NAT1: variants seen among roughly 807,000 people sequenced by gnomAD.
The protein encoded by NAT1 is arylamine N-acetyltransferase 1.
For missense variants in NAT1, 400 were observed against 339.2 expected (o/e 1.18, Z -1.41); for synonymous variants, 144 against 122.6 (o/e 1.17, Z -1.16).
chr8:18,194,427 G>T (rs117580445), intron 2 of NAT1, among the ~76,000 whole-genome samples: 1 of 152,154 alleles, frequency 6.6e-6, no homozygotes, highest in African/African-American at 2.4e-5. Context: ...GGACCAAGTC[G>T]TATCTGTTGA....
rs576536356 is a variant in NAT1 at position 18,198,171 on chromosome 8, A to T, written n.93-11610A>T. Among the ~76,000 whole-genome samples, 297 of 152,328 alleles carry T rather than the reference A, an allele frequency of 1.9e-3. 1 individual carries two copies. The highest frequency in any genetic ancestry group is 3.5e-3 in the Admixed American group (53 of 15,302). ...AGAGACTTTCCAATCTAGGCAAAAA[A>T]AAATCTGCTTTTCTTCCTCCAGAAT... On this transcript the variant is annotated intron_variant and non_coding_transcript_variant, in intron 2 of 4. Coordinates refer to the NAT1 transcript ENST00000517441.
At chr8:18,220,464 A>G (rs1267237988) in intron 2 of NAT1, among the ~76,000 whole-genome samples, 2 of 152,228 alleles carry the variant, frequency 1.3e-5, no homozygotes, top group South Asian at 2.1e-4. Flanking sequence ...TGAGGTCTGT[A>G]CAGCACTGTT....
chr8:18,194,888 C>T (rs1241119568), intron 2 of NAT1, among the ~76,000 whole-genome samples: 4 of 151,566 alleles, frequency 2.6e-5, no homozygotes, highest in Middle Eastern at 3.2e-3. Flanking sequence ...TTGGATTCAT[C>T]GTCTTCTCTC....
chr8:18,186,782 T>C (rs1484786587), intron 2 of NAT1, among the ~76,000 whole-genome samples: 1 of 152,136 alleles, frequency 6.6e-6, no homozygotes, highest in Non-Finnish European at 1.5e-5. Context: ...AATTAATTGC[T>C]AAAAATTGAC....
intron 2 of NAT1, among the ~76,000 whole-genome samples, chr8:18,197,484 T>C (rs1329225112): frequency 6.6e-6 from 1 of 152,158 alleles, no homozygotes; most frequent in Non-Finnish European, 1.5e-5. Context: ...GGTAGTGCTA[T>C]TGGCATCTAG....
At chr8:18,181,708 C>A (rs574913561) in intron 2 of NAT1, among the ~76,000 whole-genome samples, 1 of 152,106 alleles carries the variant, frequency 6.6e-6, no homozygotes, top group Non-Finnish European at 1.5e-5. Flanking sequence ...ATGTTAGCTG[C>A]GGGTTGTCAT....
chr8:18,176,222 A>G (rs1802289469), intron 2 of NAT1, among the ~76,000 whole-genome samples: 1 of 151,886 alleles, frequency 6.6e-6, no homozygotes, highest in South Asian at 2.1e-4. Context: ...TGTGATCCCA[A>G]TTTGTCCACT....
intron 2 of NAT1, among the ~76,000 whole-genome samples, chr8:18,179,269 A>C (rs934859072): frequency 3.9e-5 from 6 of 152,194 alleles, no homozygotes; most frequent in African/African-American, 1.4e-4. Context: ...TGGTAATACT[A>C]CATAATCATT....
At chr8:18,178,291 G>C (rs1802371847) in intron 2 of NAT1, among the ~76,000 whole-genome samples, 2 of 152,002 alleles carry the variant, frequency 1.3e-5, no homozygotes, top group African/African-American at 4.8e-5. Flanking sequence ...TTCTTAGACA[G>C]CATTCCTTCT....
At chr8:18,221,897 A>T (rs927870525) in intron 2 of NAT1, 145 bp from the exon 3 acceptor site, 8 of 846,646 alleles carry the variant, frequency 9.4e-6, no homozygotes, top group Non-Finnish European at 1.4e-5. Context: ...GTGTAAAAGG[A>T]ATTCATACAA....
intron 2 of NAT1, among the ~76,000 whole-genome samples, chr8:18,174,994 GC>G (rs1475011846): frequency 5.3e-5 from 8 of 151,902 alleles, no homozygotes; most frequent in African/African-American, 1.9e-4. Flanking sequence ...TTATATTCCT[GC>G]TGCCTGGTTT....
intron 1 of NAT1, chr8:18,170,661 T>G (rs1056683940): frequency 6.6e-6 from 1 of 152,180 alleles, no homozygotes; most frequent in East Asian, 1.9e-4. Context: ...TAATTTAACT[T>G]GGACTTTTCT....
At chr8:18,220,223 T>A (rs987030889) in intron 2 of NAT1, among the ~76,000 whole-genome samples, 1 of 152,030 alleles carries the variant, frequency 6.6e-6, no homozygotes, top group Non-Finnish European at 1.5e-5. Context: ...TGAGAAGAAA[T>A]GCAATCTAAT....
chr8:18,219,161 C>T (rs973126902), intron 1 of NAT1, among the ~76,000 whole-genome samples: 1 of 151,984 alleles, frequency 6.6e-6, no homozygotes. Flanking sequence ...GTGGAAGCCC[C>T]GCTGCTGGTG....
chr8:18,187,017 G>A (rs1429738134), intron 2 of NAT1, among the ~76,000 whole-genome samples: 2 of 152,020 alleles, frequency 1.3e-5, no homozygotes, highest in African/African-American at 4.8e-5. Context: ...GGTGACTCTT[G>A]ATTTCATTTG....
chr8:18,193,775 G>A (rs1803119504), intron 2 of NAT1, among the ~76,000 whole-genome samples: 2 of 150,668 alleles, frequency 1.3e-5, no homozygotes, highest in South Asian at 2.1e-4. Context: ...CTGAGTAGCT[G>A]GGATACAGGT....
intron 2 of NAT1, among the ~76,000 whole-genome samples, chr8:18,173,882 T>C (rs564297315): frequency 1.5e-4 from 23 of 152,252 alleles, no homozygotes; most frequent in African/African-American, 4.8e-4. Flanking sequence ...ATGCACCCCA[T>C]ATTATAGTTA....
At chr8:18,182,675 G>C (rs550080686) in intron 2 of NAT1, among the ~76,000 whole-genome samples, 37 of 152,232 alleles carry the variant, frequency 2.4e-4, no homozygotes, top group Middle Eastern at 3.4e-3. Flanking sequence ...TTCTAGCAGA[G>C]TAATTCTCCC....
At chr8:18,181,555 A>G (rs1046609647) in intron 2 of NAT1, among the ~76,000 whole-genome samples, 1 of 152,108 alleles carries the variant, frequency 6.6e-6, no homozygotes, top group South Asian at 2.1e-4. Context: ...GATGCCCTTT[A>G]TTTCTTTCTC....
Sources: gnomAD v4.1 joint callset for allele counts (sites outside exome capture counted in the v4.1 genomes callset) on GRCh38, gnomAD v4.1.1 for gene constraint, MANE v1.5 for transcripts, NCBI Gene and HGNC (gene_info 2026-07-23, HGNC 2026-07-21) for gene names.